Variants in MIGA1 observed in about 807,000 individuals in gnomAD.
MIGA1 encodes the protein family with sequence similarity 73, member A.
In MIGA1, 58 loss-of-function variants were observed where a neutral mutation model predicts 82.0. The observed-to-expected ratio is 0.71, with a 90% confidence interval of 0.57 to 0.88. The LOEUF is 0.88. Among genes scored for constraint, MIGA1 ranks in the 40% least tolerant of loss-of-function variants. The pLI is 0.00. For synonymous variants in MIGA1, 249 were observed against 253.6 expected (o/e 0.98, Z 0.17); for missense variants, 751 against 749.1 (o/e 1.00, Z -0.03).
At chr1:77,871,426 C>T (rs538326568) in intron 14 of MIGA1, among the ~76,000 whole-genome samples, 18 of 151,590 alleles carry the variant, frequency 1.2e-4, no homozygotes, top group East Asian at 1.2e-3. Flanking sequence ...TGCTTGAACC[C>T]GGGAGGCAGA....
At chr1:77,839,814 C>G (rs917432705) in intron 7 of MIGA1, among the ~76,000 whole-genome samples, 1 of 152,178 alleles carries the variant, frequency 6.6e-6, no homozygotes, top group Non-Finnish European at 1.5e-5. Context: ...GCAATCTTGG[C>G]TCACTGCAGC....
At chr1:77,842,264 T>G (rs1049721590) in intron 7 of MIGA1, among the ~76,000 whole-genome samples, 5 of 152,236 alleles carry the variant, frequency 3.3e-5, no homozygotes, top group African/African-American at 1.2e-4. Flanking sequence ...TTTGAAAATT[T>G]AATGTTAACA....
chr1:77,830,844 A>C (rs945962896), intron 7 of MIGA1, among the ~76,000 whole-genome samples: 1 of 152,220 alleles, frequency 6.6e-6, no homozygotes, highest in Non-Finnish European at 1.5e-5. Context: ...TGTACCTGAC[A>C]CAGCAAACAA....
At chr1:77,860,983 G>T (rs1685435599) in intron 11 of MIGA1, 3 of 386,156 alleles carry the variant, frequency 7.8e-6, no homozygotes, top group South Asian at 8.2e-5. Context: ...ACCAAAATAG[G>T]CATACATATT....
chr1:77,865,968 A>G (rs1010223151), intron 13 of MIGA1, among the ~76,000 whole-genome samples: 6 of 152,064 alleles, frequency 3.9e-5, no homozygotes, highest in African/African-American at 1.4e-4. Flanking sequence ...GCTGGAGTGC[A>G]GTGGCGCGAT....
Position 77,878,663 on chromosome 1 carries a change from C to T in MIGA1, c.*3599C>T, listed in dbSNP as rs1193193715. On this transcript the variant is annotated 3_prime_UTR_variant, in exon 16 of 16. Coordinates refer to ENST00000370791, the MANE Select transcript of MIGA1 (RefSeq NM_198549.4). Reference sequence around the variant, plus strand: ...AGAAGAAAGAAGATAAATTTTGAGGCAATTTACATTTGGTATTTCTTTTAA... The same window carrying T: ...AGAAGAAAGAAGATAAATTTTGAGGTAATTTACATTTGGTATTTCTTTTAA... 9.0e-6 allele frequency: 3 copies of T among 334,800 alleles called. No individual in the cohort carries two copies. The highest frequency in any genetic ancestry group is 2.1e-5 in the African/African-American group (1 of 47,378). 20.7% of individuals were successfully genotyped at this position (334,800 alleles called of 1,614,324 possible). A position where few individuals can be genotyped will look rare whatever the true frequency, so the allele number is the denominator to read the frequency against.
At chr1:77,852,636 G>A (rs567329380) in intron 8 of MIGA1, among the ~76,000 whole-genome samples, 1 of 152,248 alleles carries the variant, frequency 6.6e-6, no homozygotes. Context: ...GGGATTCTGG[G>A]TAAGTTCCTG....
intron 8 of MIGA1, among the ~76,000 whole-genome samples, chr1:77,851,513 A>G (rs1557928355): frequency 6.6e-6 from 1 of 152,222 alleles, no homozygotes; most frequent in Non-Finnish European, 1.5e-5. Context: ...AATTTTGTTG[A>G]GAAATTCTTC....
At chr1:77,786,688 C>T (rs1044485338) in intron 2 of MIGA1, among the ~76,000 whole-genome samples, 1 of 152,178 alleles carries the variant, frequency 6.6e-6, no homozygotes, top group Non-Finnish European at 1.5e-5. Flanking sequence ...CCAATGAGTT[C>T]CTCATCTCCA....
chr1:77,786,268 A>T (rs1410662504), intron 2 of MIGA1, among the ~76,000 whole-genome samples: 2 of 152,104 alleles, frequency 1.3e-5, no homozygotes, highest in East Asian at 3.9e-4. Flanking sequence ...CCCTGAAACC[A>T]CTTTTTCCTC....
chr1:77,786,247 C>A (rs1441912383), intron 2 of MIGA1, among the ~76,000 whole-genome samples: 1 of 152,228 alleles, frequency 6.6e-6, no homozygotes, highest in South Asian at 2.1e-4. Context: ...CACGGGGACA[C>A]TGGGCCTGGC....
In MIGA1 at chr1:77,861,205, A is replaced by C. The variant is rs1359036476; in HGVS notation, c.1276-19A>C. On this transcript the variant is annotated intron_variant, in intron 11 of 15. Coordinates refer to ENST00000370791, the MANE Select transcript of MIGA1 (RefSeq NM_198549.4). ...GTTATAAAGTTGAGTTTAGGGTTAA[A>C]ATGTGTTTTCTTCTTCAGAATCCAA... The C allele has an allele frequency of 1.0e-5, 15 of 1,498,138 alleles. No homozygotes were observed. Among genetic ancestry groups the C allele is most frequent in the Non-Finnish European group, 1.1e-5 (12 of 1,078,590 alleles). The allele number at this position is 1,498,138 out of a possible 1,614,324, so 92.8% of individuals were successfully genotyped here.
rs778133550 is a variant in MIGA1, at chr1:77,877,299, A to C, written c.*2235A>C. 4.6e-5 allele frequency: 7 copies of C among 152,244 alleles called. No individual in the cohort carries two copies. Among genetic ancestry groups the C allele is most frequent in the Non-Finnish European group, 8.8e-5 (6 of 68,048 alleles). 9.4% of individuals were successfully genotyped at this position (152,244 alleles called of 1,614,324 possible). A position where few individuals can be genotyped will look rare whatever the true frequency, so the allele number is the denominator to read the frequency against. ...AAATTAACTATAAAATATGGAATTC[A>C]GGATCATGCTGTTTTGCATGTACTT... On this transcript the variant is annotated 3_prime_UTR_variant, in exon 16 of 16. Coordinates refer to ENST00000370791, the MANE Select transcript of MIGA1 (RefSeq NM_198549.4).
chr1:77,866,534 C>G (rs1685675387), intron 14 of MIGA1, 143 bp downstream of exon 14: 1 of 723,364 alleles, frequency 1.4e-6, no homozygotes, highest in African/African-American at 1.8e-5. Flanking sequence ...GAGTGACTTA[C>G]TGGTAGTGGG....
At chr1:77,790,758 T>C (rs995581984) in intron 2 of MIGA1, among the ~76,000 whole-genome samples, 2 of 151,852 alleles carry the variant, frequency 1.3e-5, no homozygotes, top group African/African-American at 4.8e-5. Context: ...GGCTAATCTT[T>C]TGTATTTTTA....
chr1:77,797,071 T>C (rs1156439277), intron 2 of MIGA1, among the ~76,000 whole-genome samples: 2 of 152,230 alleles, frequency 1.3e-5, no homozygotes, highest in African/African-American at 2.4e-5. Flanking sequence ...AATTGGCTTT[T>C]TCCTTTTACC....
In MIGA1 at chr1:77,811,497, T is replaced by G. The variant is rs931098322; in HGVS notation, c.638-2237T>G. On this transcript the variant is annotated intron_variant, in intron 5 of 15. Coordinates refer to ENST00000370791, the MANE Select transcript of MIGA1 (RefSeq NM_198549.4). The stretch of plus-strand genomic sequence containing the variant: ...ATGTAAGAATATTCTTTAGGATTGG[T>G]TCTAGCTTCTTCAGGTCCTCCAGTT... The G allele has an allele frequency of 2.6e-6, 4 of 1,555,264 alleles. No individual in the cohort carries two copies. The African/African-American group carries it at 5.4e-5, about 21-fold the overall frequency.
intron 2 of MIGA1, among the ~76,000 whole-genome samples, chr1:77,795,733 G>A (rs1334889100): frequency 6.7e-6 from 1 of 149,154 alleles, no homozygotes; most frequent in South Asian, 2.2e-4. Context: ...GGGTTCAAGC[G>A]ATTCTCCTGC....
chr1:77,840,578 G>A (rs921024875), intron 7 of MIGA1, among the ~76,000 whole-genome samples: 4 of 152,090 alleles, frequency 2.6e-5, no homozygotes, highest in African/African-American at 7.2e-5. Flanking sequence ...AGGCGGAGGC[G>A]GAGGCGGGCG....
Sources: gnomAD v4.1 joint callset for allele counts (sites outside exome capture counted in the v4.1 genomes callset) on GRCh38, gnomAD v4.1.1 for gene constraint, MANE v1.5 for transcripts, NCBI Gene and HGNC (gene_info 2026-07-23, HGNC 2026-07-21) for gene names.